PALLD: variants seen among roughly 807,000 people sequenced by gnomAD.
PALLD encodes the protein palladin, cytoskeletal associated protein, also known as palladin.
In PALLD, 61 loss-of-function variants were observed where a neutral mutation model predicts 123.5. The ratio of observed to expected loss-of-function variants is 0.49; its 90% CI spans 0.40 to 0.61. The LOEUF is 0.61. Ranked by LOEUF, PALLD falls within the 20% of genes least tolerant of loss-of-function variation. The pLI is 0.00. For missense variants in PALLD, 1,273 were observed against 1,377.0 expected (o/e 0.92, Z 1.20); for synonymous variants, 465 against 496.4 (o/e 0.94, Z 0.84).
At chr4:168,552,754 C>G (rs1376403564) in intron 2 of PALLD, among the ~76,000 whole-genome samples, 1 of 152,106 alleles carries the variant, frequency 6.6e-6, no homozygotes, top group Non-Finnish European at 1.5e-5. Context: ...CAGCTCACTG[C>G]AACCTCTGCC....
chr4:168,924,489 T>C, intron 19 of PALLD, 69 bp downstream of exon 19: 1 of 1,383,962 alleles, frequency 7.2e-7, no homozygotes, highest in Non-Finnish European at 1.0e-6. Flanking sequence ...AGATACATTT[T>C]ATATAGCATG....
At chr4:168,746,438 G>A (rs1730331564) in intron 10 of PALLD, among the ~76,000 whole-genome samples, 1 of 145,692 alleles carries the variant, frequency 6.9e-6, no homozygotes, top group African/African-American at 2.5e-5. Context: ...CTTAGTGCTG[G>A]TAGTAACACC....
At chr4:168,905,484 T>A (rs1183704329) in intron 15 of PALLD, among the ~76,000 whole-genome samples, 2 of 151,882 alleles carry the variant, frequency 1.3e-5, no homozygotes, top group Non-Finnish European at 2.9e-5. Flanking sequence ...TAAATAAAGT[T>A]TATTCAAGGT....
chr4:168,918,691 C>T (rs1365167624), intron 17 of PALLD, among the ~76,000 whole-genome samples: 1 of 149,738 alleles, frequency 6.7e-6, no homozygotes, highest in African/African-American at 2.5e-5. Context: ...GTTCTTACTA[C>T]AAAAAAAAAT....
chr4:168,747,902 C>T (rs142276167), intron 10 of PALLD, among the ~76,000 whole-genome samples: 7 of 152,206 alleles, frequency 4.6e-5, no homozygotes, highest in African/African-American at 1.7e-4. Context: ...GGTAGTATTC[C>T]AGGGTCTTTA....
At chr4:168,721,627 G>C (rs1383736970) in intron 10 of PALLD, among the ~76,000 whole-genome samples, 1 of 152,092 alleles carries the variant, frequency 6.6e-6, no homozygotes, top group Non-Finnish European at 1.5e-5. Flanking sequence ...TAATTACAAA[G>C]TATTATTTTA....
At chr4:168,858,256 C>T (rs1748900400) in intron 10 of PALLD, among the ~76,000 whole-genome samples, 1 of 152,162 alleles carries the variant, frequency 6.6e-6, no homozygotes, top group Non-Finnish European at 1.5e-5. Context: ...AAAGTTAGTA[C>T]ATCAGGGGTC....
chr4:168,923,290 A>G (rs1582230809), intron 18 of PALLD, among the ~76,000 whole-genome samples: 1 of 152,326 alleles, frequency 6.6e-6, no homozygotes, highest in East Asian at 1.9e-4. Context: ...GTGGTGTTGG[A>G]GAGTATTAAG....
intron 2 of PALLD, among the ~76,000 whole-genome samples, chr4:168,539,803 T>A (rs763131538): frequency 1.1e-4 from 16 of 152,146 alleles, no homozygotes; most frequent in Non-Finnish European, 1.6e-4. Context: ...TACTTTATTT[T>A]ATTTTTTTAA....
intron 2 of PALLD, among the ~76,000 whole-genome samples, chr4:168,593,154 C>T (rs1002445026): frequency 2.0e-5 from 3 of 152,048 alleles, no homozygotes; most frequent in African/African-American, 7.2e-5. Context: ...TGTTAAAAAT[C>T]ATGATGATAT....
intron 2 of PALLD, among the ~76,000 whole-genome samples, chr4:168,584,988 T>C (rs1770666957): frequency 6.6e-6 from 1 of 152,208 alleles, no homozygotes; most frequent in Non-Finnish European, 1.5e-5. Context: ...TTTACACCAG[T>C]TCCCATATAA....
chr4:168,622,148 C>G (rs984990969), intron 2 of PALLD, among the ~76,000 whole-genome samples: 18 of 152,290 alleles, frequency 1.2e-4, no homozygotes, highest in Non-Finnish European at 1.9e-4. Context: ...GGCTCTGGGT[C>G]AAAACACACA....
intron 2 of PALLD, among the ~76,000 whole-genome samples, chr4:168,521,594 TACCTTTTCAAAA>T: frequency 6.6e-6 from 1 of 152,362 alleles, no homozygotes; most frequent in Admixed American, 6.5e-5. Context: ...CCCCGCACTC[TACCTTTTCAAAA>T]ACCTTTGACT....
intron 10 of PALLD, among the ~76,000 whole-genome samples, chr4:168,783,179 G>A (rs998502632): frequency 1.3e-5 from 2 of 151,360 alleles, no homozygotes; most frequent in Admixed American, 6.6e-5. Flanking sequence ...CTTTTTAATG[G>A]ATAATGGCAA....
intron 10 of PALLD, chr4:168,878,126 G>A (rs1385015304): frequency 1.4e-6 from 2 of 1,478,386 alleles, no homozygotes; most frequent in South Asian, 2.6e-5. Flanking sequence ...TGAGCCCGAG[G>A]CCCCGTGGGG....
At chr4:168,835,564 C>A (rs1174548993) in intron 10 of PALLD, among the ~76,000 whole-genome samples, 1 of 151,790 alleles carries the variant, frequency 6.6e-6, no homozygotes, top group Non-Finnish European at 1.5e-5. Context: ...GGTGTTTAGC[C>A]CTAGATCTCT....
chr4:168,678,748 T>C (rs1274813559), intron 3 of PALLD, among the ~76,000 whole-genome samples: 1 of 149,742 alleles, frequency 6.7e-6, no homozygotes, highest in Non-Finnish European at 1.5e-5. Context: ...ATTTCTCTTC[T>C]GTGTCCTCAC....
chr4:168,896,195 C>G (rs531879815), intron 12 of PALLD, among the ~76,000 whole-genome samples: 2 of 138,820 alleles, frequency 1.4e-5, no homozygotes, highest in South Asian at 4.9e-4. Context: ...GGTGACAGAG[C>G]GAGACTCCAT....
intron 10 of PALLD, among the ~76,000 whole-genome samples, chr4:168,759,197 AAAAAAATATATATATATATATATATATAT>A (rs1732407422): frequency 3.3e-5 from 1 of 30,730 alleles, no homozygotes; most frequent in African/African-American, 1.7e-4. Context: ...AAAAAAAAAA[AAAAAAATATATATATATATATATATATAT>A]ATATATATAT....
Sources: gnomAD v4.1 joint callset for allele counts (sites outside exome capture counted in the v4.1 genomes callset) on GRCh38, gnomAD v4.1.1 for gene constraint, MANE v1.5 for transcripts, NCBI Gene and HGNC (gene_info 2026-07-23, HGNC 2026-07-21) for gene names.